Variants in CAP2 observed in about 807,000 individuals in gnomAD.
CAP2 encodes cyclase associated actin cytoskeleton regulatory protein 2, also known as adenylyl cyclase-associated protein 2.
A neutral mutation model predicts 57.7 loss-of-function variants in CAP2; 24 were observed. The observed-to-expected ratio is 0.42, with a 90% CI of 0.30 to 0.58. The LOEUF (loss-of-function observed/expected upper bound fraction) is 0.58. Among genes scored for constraint, CAP2 ranks in the 20% least tolerant of loss-of-function variants. CAP2 has a pLI of 0.22. For missense variants in CAP2, 501 were observed against 590.3 expected (o/e 0.85, Z 1.57); for synonymous variants, 194 against 207.2 (o/e 0.94, Z 0.55).
intron 4 of CAP2, among the ~76,000 whole-genome samples, chr6:17,464,215 T>C (rs1465730521): frequency 1.3e-5 from 2 of 152,202 alleles, no homozygotes; most frequent in Non-Finnish European, 2.9e-5. Flanking sequence ...GCATACTTTG[T>C]TTTATCAGAA....
At chr6:17,554,526 G>T (rs1297213928) in intron 12 of CAP2, among the ~76,000 whole-genome samples, 1 of 152,228 alleles carries the variant, frequency 6.6e-6, no homozygotes, top group Admixed American at 6.5e-5. Flanking sequence ...ACAAAGTGCT[G>T]GGATTACAGG....
intron 3 of CAP2, among the ~76,000 whole-genome samples, chr6:17,434,254 A>G (rs2113551043): frequency 7.1e-6 from 1 of 140,820 alleles, no homozygotes; most frequent in South Asian, 2.2e-4. Context: ...TTTGAGACAG[A>G]GTCTCACTCT....
chr6:17,469,280 A>G (rs1333816500), intron 4 of CAP2, among the ~76,000 whole-genome samples: 1 of 152,236 alleles, frequency 6.6e-6, no homozygotes, highest in African/African-American at 2.4e-5. Flanking sequence ...CGGAGGGTGG[A>G]GAACTATAGC....
intron 8 of CAP2, among the ~76,000 whole-genome samples, chr6:17,540,668 C>T (rs975763990): frequency 6.6e-6 from 1 of 152,002 alleles, no homozygotes; most frequent in Admixed American, 6.6e-5. Flanking sequence ...GCAGGAGAAT[C>T]GCTTGAACCC....
At chr6:17,438,431 G>GTTTTT (rs1554122609) in intron 3 of CAP2, among the ~76,000 whole-genome samples, 1 of 85,486 alleles carries the variant, frequency 1.2e-5, no homozygotes, top group Non-Finnish European at 2.0e-5. Context: ...CCATCCAGAA[G>GTTTTT]TGTTTTTTTT....
intron 1 of CAP2, among the ~76,000 whole-genome samples, chr6:17,411,599 A>G (rs1051647590): frequency 6.6e-6 from 1 of 152,180 alleles, no homozygotes; most frequent in Non-Finnish European, 1.5e-5. Context: ...CTCTGGGAAG[A>G]TGTCTATTTA....
At chr6:17,497,552 G>A (rs946630852) in intron 4 of CAP2, among the ~76,000 whole-genome samples, 2 of 152,172 alleles carry the variant, frequency 1.3e-5, no homozygotes, top group Non-Finnish European at 2.9e-5. Context: ...CAGCAATTTT[G>A]TATGTCGTTA....
intron 7 of CAP2, among the ~76,000 whole-genome samples, chr6:17,519,886 A>G (rs1245843510): frequency 6.6e-6 from 1 of 152,232 alleles, no homozygotes; most frequent in Non-Finnish European, 1.5e-5. Flanking sequence ...GGTCATGTAA[A>G]GAATTCTATG....
At chr6:17,502,511 CT>C (rs879258686) in intron 4 of CAP2, among the ~76,000 whole-genome samples, 46 of 146,680 alleles carry the variant, frequency 3.1e-4, no homozygotes, top group Middle Eastern at 3.6e-3. Context: ...GTCAACATTG[CT>C]TTTTTTTTTA....
At chr6:17,463,916 T>C (rs1473908997) in intron 4 of CAP2, among the ~76,000 whole-genome samples, 1 of 152,248 alleles carries the variant, frequency 6.6e-6, no homozygotes, top group Non-Finnish European at 1.5e-5. Flanking sequence ...TTTTAATCTA[T>C]TGTAAAATTA....
At chr6:17,467,675 C>T (rs1760903541) in intron 4 of CAP2, among the ~76,000 whole-genome samples, 1 of 152,136 alleles carries the variant, frequency 6.6e-6, no homozygotes, top group East Asian at 1.9e-4. Flanking sequence ...AGGCACACGC[C>T]ACCACACCAA....
intron 4 of CAP2, among the ~76,000 whole-genome samples, chr6:17,498,878 G>A (rs1173910147): frequency 4.0e-5 from 6 of 151,724 alleles, no homozygotes; most frequent in African/African-American, 1.5e-4. Context: ...ACAGGCGCCC[G>A]CCACCACGCC....
intron 4 of CAP2, among the ~76,000 whole-genome samples, chr6:17,486,032 G>A (rs1761410311): frequency 6.6e-6 from 1 of 152,170 alleles, no homozygotes; most frequent in Admixed American, 6.6e-5. Context: ...ATATATTTGT[G>A]GCCAAACATG....
intron 3 of CAP2, among the ~76,000 whole-genome samples, chr6:17,461,560 C>A (rs1160392323): frequency 1.3e-5 from 2 of 151,734 alleles, no homozygotes; most frequent in African/African-American, 4.8e-5. Context: ...TAAAAAAAAA[C>A]TATTCCAAGT....
intron 3 of CAP2, among the ~76,000 whole-genome samples, chr6:17,457,478 C>T (rs939109362): frequency 1.3e-5 from 2 of 152,166 alleles, no homozygotes; most frequent in South Asian, 2.1e-4. Flanking sequence ...GCAAGAGGAT[C>T]GGAAGTTGGA....
chr6:17,495,015 G>T (rs1761630477), intron 4 of CAP2, among the ~76,000 whole-genome samples: 1 of 152,190 alleles, frequency 6.6e-6, no homozygotes, highest in East Asian at 1.9e-4. Flanking sequence ...CCAGCCTTCA[G>T]ACTTGGACTG....
chr6:17,400,066 A>C (rs2113498709), intron 1 of CAP2, among the ~76,000 whole-genome samples: 1 of 149,844 alleles, frequency 6.7e-6, no homozygotes, highest in South Asian at 2.1e-4. Context: ...TAAAAATACA[A>C]AAAAAAAAAA....
intron 4 of CAP2, among the ~76,000 whole-genome samples, chr6:17,474,996 AC>A (rs1310762172): frequency 1.3e-5 from 2 of 152,084 alleles, no homozygotes; most frequent in Non-Finnish European, 1.5e-5. Flanking sequence ...GGAGTTTGAG[AC>A]CAGCCTGACC....
At chr6:17,471,362 T>C (rs73375236) in intron 4 of CAP2, among the ~76,000 whole-genome samples, 2,480 of 152,314 alleles carry the variant, frequency 0.016, 73 homozygotes, top group African/African-American at 0.056. Flanking sequence ...TAAAATGAAA[T>C]GTCTATTTTG....
Sources: allele counts gnomAD v4.1 joint callset (sites outside exome capture counted in the v4.1 genomes callset), GRCh38; gene constraint gnomAD v4.1.1; transcripts MANE v1.5; gene names NCBI Gene and HGNC (gene_info 2026-07-23, HGNC 2026-07-21).